The following OLA1 variants were observed in gnomAD, a reference collection of about 807,000 sequenced individuals.
OLA1 encodes Obg like ATPase 1.
A neutral mutation model predicts 48.4 loss-of-function variants in OLA1; 14 were observed. The observed-to-expected ratio is 0.29, with a 90% CI of 0.19 to 0.45. The LOEUF (loss-of-function observed/expected upper bound fraction) is 0.45, where lower values mean the gene tolerates loss of function less well. Among genes scored for constraint, OLA1 ranks in the 20% least tolerant of loss-of-function variants. The pLI, the probability that OLA1 is intolerant of heterozygous loss-of-function variation, is 1.00. For missense variants in OLA1, 325 were observed against 467.1 expected, an observed-to-expected ratio of 0.70 and a Z score of 2.80; for synonymous variants, 127 against 150.4, an observed-to-expected ratio of 0.84 and a Z score of 1.14.
At chr2:174,204,234 C>T (rs949653861) in intron 4 of OLA1, among the ~76,000 whole-genome samples, 1 of 151,838 alleles carries the variant, frequency 6.6e-6, no homozygotes, top group African/African-American at 2.4e-5. Context: ...ACCCCGTCTC[C>T]ACTAAAATTA....
At chr2:174,200,315 T>C (rs1176531655) in intron 4 of OLA1, among the ~76,000 whole-genome samples, 1 of 152,182 alleles carries the variant, frequency 6.6e-6, no homozygotes, top group African/African-American at 2.4e-5. Flanking sequence ...ATTTCTGTCT[T>C]TCCATAGGAA....
chr2:174,109,516 A>G (rs962760493), intron 7 of OLA1, among the ~76,000 whole-genome samples: 1 of 152,244 alleles, frequency 6.6e-6, no homozygotes, highest in Non-Finnish European at 1.5e-5. Context: ...TATTCCAGTA[A>G]CACTTAAAAG....
chr2:174,198,138 T>C (rs970342532), intron 4 of OLA1, among the ~76,000 whole-genome samples: 3 of 152,076 alleles, frequency 2.0e-5, no homozygotes, highest in African/African-American at 7.2e-5. Flanking sequence ...AATTTTTATA[T>C]TTTTAGTAGA....
intron 7 of OLA1, among the ~76,000 whole-genome samples, chr2:174,113,933 A>G (rs1685715508): frequency 6.6e-6 from 1 of 152,106 alleles, no homozygotes; most frequent in Non-Finnish European, 1.5e-5. Flanking sequence ...TAAGTATAAT[A>G]TCATACATCT....
chr2:174,127,842 T>C (rs1423835172), intron 5 of OLA1, among the ~76,000 whole-genome samples: 1 of 152,156 alleles, frequency 6.6e-6, no homozygotes, highest in Non-Finnish European at 1.5e-5. Context: ...TTCTCTATCC[T>C]GTCCAATACT....
At chr2:174,188,424 A>T (rs1269975422) in intron 4 of OLA1, among the ~76,000 whole-genome samples, 1 of 152,076 alleles carries the variant, frequency 6.6e-6, no homozygotes, top group East Asian at 1.9e-4. Flanking sequence ...ACTTTTTGTC[A>T]AAATACAGCA....
chr2:174,186,268 AT>A (rs1327473554), intron 4 of OLA1, among the ~76,000 whole-genome samples: 3 of 152,216 alleles, frequency 2.0e-5, no homozygotes, highest in African/African-American at 7.2e-5. Flanking sequence ...TATGGAAAAA[AT>A]AAACAAGTAA....
In OLA1 at chr2:174,104,011, G is replaced by A. The variant is rs76702529; in HGVS notation, c.728+19169C>T. On this transcript the variant is annotated intron_variant, in intron 7 of 10. Transcript: ENST00000284719. Reference sequence around the variant, plus strand: ...GAGATTTCCGTAGACATAGAAACAGGAGGATGGAGAAATTTATACATTGTG... The same window carrying A: ...GAGATTTCCGTAGACATAGAAACAGAAGGATGGAGAAATTTATACATTGTG... 6.9e-3 allele frequency among the ~76,000 whole-genome samples: 1,044 copies of A among 152,202 alleles called. 11 individuals are homozygous for A. Among genetic ancestry groups the A allele is most frequent in the African/African-American group, 0.023 (976 of 41,546 alleles).
At chr2:174,233,449 CT>C (rs1366913101) in intron 2 of OLA1, among the ~76,000 whole-genome samples, 1 of 152,258 alleles carries the variant, frequency 6.6e-6, no homozygotes, top group African/African-American at 2.4e-5. Context: ...TCTCGGCTTA[CT>C]GCAACCTCCG....
intron 3 of OLA1, among the ~76,000 whole-genome samples, chr2:174,228,501 G>A (rs66463720): frequency 0.12 from 18,088 of 151,974 alleles, 2,359 homozygotes; most frequent in East Asian, 0.72. Flanking sequence ...AGTAGAGGTG[G>A]TTTTCACCCC....
intron 4 of OLA1, among the ~76,000 whole-genome samples, chr2:174,160,924 G>C (rs1390101597): frequency 6.6e-6 from 1 of 152,140 alleles, no homozygotes; most frequent in African/African-American, 2.4e-5. Flanking sequence ...CAGCTTCACA[G>C]AACCCTAAAC....
chr2:174,075,257 G>GTT lies in OLA1; in HGVS notation c.*168_*169insAA. 2.3e-6 allele frequency: 1 copy of GTT among 442,528 alleles called. No individual in the cohort carries two copies. The highest frequency in any genetic ancestry group is 4.1e-6 in the Non-Finnish European group (1 of 246,276). The allele number at this position is 442,528 out of a possible 1,614,324, so 27.4% of individuals were successfully genotyped here. Reference sequence around the variant, plus strand: ...ATTTAGTGAACCTGCATTTCATGGGGGGGGGGGGGTACACAGTATTTTAAT... The same window carrying GTT: ...ATTTAGTGAACCTGCATTTCATGGGGTTGGGGGGGGGTACACAGTATTTTAAT... On this transcript the variant is annotated 3_prime_UTR_variant, in exon 11 of 11. Coordinates refer to ENST00000284719, the MANE Select transcript of OLA1 (RefSeq NM_013341.5).
At chr2:174,247,554 T>C (rs547734746) in intron 1 of OLA1, 19 of 1,471,136 alleles carry the variant, frequency 1.3e-5, no homozygotes, top group Admixed American at 4.7e-5. Flanking sequence ...GAAAATTCCA[T>C]TGTGGAACCA....
chr2:174,229,212 T>C, intron 3 of OLA1, 96 bp downstream of exon 3: 1 of 1,251,966 alleles, frequency 8.0e-7, no homozygotes, highest in Non-Finnish European at 1.1e-6. Flanking sequence ...ACAATAATGC[T>C]ACATTAATTT....
chr2:174,088,662 AC>A (rs1241503238), intron 7 of OLA1, among the ~76,000 whole-genome samples: 1 of 152,158 alleles, frequency 6.6e-6, no homozygotes, highest in Non-Finnish European at 1.5e-5. Context: ...AAGAAGAAAT[AC>A]CAAAAAAGTA....
chr2:174,218,370 T>A (rs1195254330), intron 4 of OLA1, among the ~76,000 whole-genome samples: 1 of 151,650 alleles, frequency 6.6e-6, no homozygotes, highest in East Asian at 1.9e-4. Flanking sequence ...GCTTTCCTGA[T>A]GAAAAAAAAA....
chr2:174,222,222 C>T (rs1168453721), intron 4 of OLA1, among the ~76,000 whole-genome samples: 1 of 152,020 alleles, frequency 6.6e-6, no homozygotes, highest in East Asian at 1.9e-4. Flanking sequence ...AAAGTACCGG[C>T]AGAATTTTAT....
chr2:174,135,317 C>T (rs568183755), intron 5 of OLA1, among the ~76,000 whole-genome samples: 1 of 152,064 alleles, frequency 6.6e-6, no homozygotes, highest in African/African-American at 2.4e-5. Flanking sequence ...ACCCAAATCA[C>T]AAAGAACTTT....
intron 4 of OLA1, among the ~76,000 whole-genome samples, chr2:174,215,118 A>C (rs1417237154): frequency 6.6e-6 from 1 of 152,148 alleles, no homozygotes; most frequent in Admixed American, 6.5e-5. Flanking sequence ...CAAAACAACA[A>C]GAATGAAAAG....
Sources: allele counts gnomAD v4.1 joint callset (sites outside exome capture counted in the v4.1 genomes callset), GRCh38; gene constraint gnomAD v4.1.1; transcripts MANE v1.5; gene names NCBI Gene and HGNC (gene_info 2026-07-23, HGNC 2026-07-21).